Variants in SASS6 observed in about 807,000 individuals in gnomAD.
SASS6 encodes SAS-6 centriolar assembly protein, also known as spindle assembly abnormal protein 6 homolog.
In SASS6, 59 loss-of-function variants were observed where a neutral mutation model predicts 94.9. The ratio of observed to expected loss-of-function variants is 0.62; its 90% CI spans 0.50 to 0.77. The LOEUF (loss-of-function observed/expected upper bound fraction) is 0.77. Among genes scored for constraint, SASS6 ranks in the 30% least tolerant of loss-of-function variants. The pLI is 0.00. For missense variants in SASS6, 698 were observed against 734.1 expected (o/e 0.95, Z 0.57); for synonymous variants, 264 against 270.0 (o/e 0.98, Z 0.22).
chr1:100,089,305 G>A (rs149193510), intron 14 of SASS6, among the ~76,000 whole-genome samples: 11 of 151,942 alleles, frequency 7.2e-5, no homozygotes, highest in African/African-American at 2.4e-4. Flanking sequence ...TACCAAGGAG[G>A]AACACCAAAA....
At chr1:100,128,899 T>C (rs926991185) in intron 1 of SASS6, among the ~76,000 whole-genome samples, 5 of 152,088 alleles carry the variant, frequency 3.3e-5, no homozygotes, top group Non-Finnish European at 7.4e-5. Flanking sequence ...AAAAGGTACT[T>C]TAAGCCAGGT....
At chr1:100,130,352 G>A (rs1654908495) in intron 1 of SASS6, among the ~76,000 whole-genome samples, 1 of 152,302 alleles carries the variant, frequency 6.6e-6, no homozygotes. Flanking sequence ...ACATTTGCCA[G>A]TATTTGTTGA....
At chr1:100,103,341 G>C (rs1652646473) in intron 13 of SASS6, among the ~76,000 whole-genome samples, 1 of 152,088 alleles carries the variant, frequency 6.6e-6, no homozygotes, top group Non-Finnish European at 1.5e-5. Context: ...TTTGTACTAA[G>C]TTAAAGCCAA....
At chr1:100,103,441 T>C (rs879758134) in intron 13 of SASS6, among the ~76,000 whole-genome samples, 5 of 152,124 alleles carry the variant, frequency 3.3e-5, no homozygotes, top group Non-Finnish European at 7.4e-5. Context: ...AGAGATAAAA[T>C]AAAACTAATT....
intron 1 of SASS6, among the ~76,000 whole-genome samples, chr1:100,127,506 C>T (rs1231958897): frequency 6.6e-6 from 1 of 152,094 alleles, no homozygotes; most frequent in Non-Finnish European, 1.5e-5. Context: ...GCTAAATCTC[C>T]GTTTGTACAA....
At position 100,084,273 on chromosome 1, in the gene SASS6, A is replaced by G. The variant is rs1651065914; in HGVS notation, c.*1055T>C. On this transcript the variant is annotated 3_prime_UTR_variant, in exon 17 of 17. Coordinates refer to ENST00000287482, the MANE Select transcript of SASS6 (RefSeq NM_194292.3). Reference sequence around the variant, plus strand: ...GAAAATAATTTTAAATTATCACATGAGCATTAGTACTTTATAAAAATTGAT... The same window carrying G: ...GAAAATAATTTTAAATTATCACATGGGCATTAGTACTTTATAAAAATTGAT... 6.6e-6 allele frequency: 1 copy of G among 152,070 alleles called. No homozygotes were observed. Among genetic ancestry groups the G allele is most frequent in the African/African-American group, 2.4e-5 (1 of 41,440 alleles). 9.4% of individuals were successfully genotyped at this position (152,070 alleles called of 1,614,324 possible).
intron 7 of SASS6, among the ~76,000 whole-genome samples, chr1:100,117,291 CAA>C (rs60675693): frequency 3.1e-4 from 29 of 94,600 alleles, no homozygotes; most frequent in Admixed American, 4.6e-4. Context: ...AATTCTGTCT[CAA>C]AAAAAAAAAA....
chr1:100,124,391 T>C (rs1424639432), intron 2 of SASS6, among the ~76,000 whole-genome samples: 2 of 152,210 alleles, frequency 1.3e-5, no homozygotes, highest in Non-Finnish European at 2.9e-5. Flanking sequence ...TATATTTCAG[T>C]GTTTTTTGAC....
intron 1 of SASS6, among the ~76,000 whole-genome samples, chr1:100,126,383 T>A (rs1291416627): frequency 6.6e-6 from 1 of 152,190 alleles, no homozygotes; most frequent in East Asian, 1.9e-4. Flanking sequence ...TAAAATAACA[T>A]CTAGAAAGAC....
intron 8 of SASS6, 51 bp from the exon 9 acceptor site, chr1:100,108,055 T>C: frequency 9.2e-7 from 1 of 1,082,588 alleles, no homozygotes; most frequent in Non-Finnish European, 1.3e-6. Context: ...GGAAGCTGCC[T>C]CATCTGGTTA....
chr1:100,086,474 A>G (rs1651274194), intron 15 of SASS6, among the ~76,000 whole-genome samples: 1 of 149,966 alleles, frequency 6.7e-6, no homozygotes, highest in South Asian at 2.1e-4. Context: ...CGATTGTCAT[A>G]TTTTCTGCTA....
intron 14 of SASS6, among the ~76,000 whole-genome samples, chr1:100,098,174 AAC>A (rs1309695532): frequency 6.6e-6 from 1 of 152,214 alleles, no homozygotes; most frequent in Non-Finnish European, 1.5e-5. Context: ...ATTACAAAAT[AAC>A]ACATTAAAAA....
At position 100,121,442 on chromosome 1, in the gene SASS6, T is replaced by C; in HGVS notation, c.419A>G (p.Lys140Arg). The change falls in exon 5 of 17, where the codon AAA (lysine) becomes AGA (arginine). Residue 140 changes from lysine to arginine, a missense_variant. Lys to Arg is a conservative substitution (Grantham distance 26). Transcript: ENST00000287482. ...CTCCACATCATTTCCAGGTAAAAGTTTTAGTGAGAGGTGTGTAAGATGCTT... is the reference window on the plus strand; with the variant it reads ...CTCCACATCATTTCCAGGTAAAAGTCTTAGTGAGAGGTGTGTAAGATGCTT... ...PFKHLTHLSL[K>R]LLPGNDVEIK... 1 of 1,602,968 alleles carries C rather than the reference T, an allele frequency of 6.2e-7. No homozygotes were observed. The highest frequency in any genetic ancestry group is 8.5e-7 in the Non-Finnish European group (1 of 1,175,002).
At chr1:100,086,023 A>G (rs1163499382) in intron 15 of SASS6, among the ~76,000 whole-genome samples, 1 of 151,736 alleles carries the variant, frequency 6.6e-6, no homozygotes, top group Non-Finnish European at 1.5e-5. Context: ...GCTCTTCGAA[A>G]TTTTCTAGTG....
intron 12 of SASS6, among the ~76,000 whole-genome samples, chr1:100,106,585 C>A (rs1365590628): frequency 6.6e-6 from 1 of 152,096 alleles, no homozygotes; most frequent in Non-Finnish European, 1.5e-5. Context: ...ATGGCTAACA[C>A]CTGTAAACCT....
intron 14 of SASS6, among the ~76,000 whole-genome samples, chr1:100,100,200 A>C (rs908934690): frequency 2.0e-5 from 3 of 152,194 alleles, no homozygotes; most frequent in Admixed American, 6.5e-5. Context: ...TGGGAGGTGG[A>C]GGTTGCAGTG....
At chr1:100,120,137 A>G (rs568600806) in intron 6 of SASS6, among the ~76,000 whole-genome samples, 1 of 152,364 alleles carries the variant, frequency 6.6e-6, no homozygotes, top group South Asian at 2.1e-4. Context: ...AGAAACATAC[A>G]TATCTTATTT....
At position 100,107,701 on chromosome 1, in the gene SASS6, T is replaced by C; in HGVS notation, c.1073A>G (p.Asn358Ser). 1 of 1,602,408 alleles carries C rather than the reference T, an allele frequency of 6.2e-7. No homozygotes were observed. The highest frequency in any genetic ancestry group is 8.5e-7 in the Non-Finnish European group (1 of 1,172,326). ...IQEQKVVLEENGEKNQVQLGK... is the reference protein window; with the variant it reads ...IQEQKVVLEESGEKNQVQLGK... ...TAGTTGTACTTGATTTTTCTCACCA[T>C]TTTCTTCTAAAACCACCTGATATAT... The change falls in exon 10 of 17, where the codon AAT becomes AGT. Residue 358 changes from asparagine to serine, a missense_variant. Asn to Ser is a conservative substitution (Grantham distance 46). Coordinates refer to ENST00000287482, the MANE Select transcript of SASS6 (RefSeq NM_194292.3).
In SASS6 at chr1:100,132,868, G is replaced by T; in HGVS notation, c.-54C>A. ...GAAAAGCCCAACAGGCCCGGCCCTC[G>T]GGATTAGCCTGAGAGGTCCGGGTCC... On this transcript the variant is annotated 5_prime_UTR_variant, in exon 1 of 17. Coordinates refer to ENST00000287482, the MANE Select transcript of SASS6 (RefSeq NM_194292.3). 6.6e-7 allele frequency: 1 copy of T among 1,517,566 alleles called. No homozygotes were observed. Among genetic ancestry groups the T allele is most frequent in the Non-Finnish European group, 9.2e-7 (1 of 1,092,870 alleles). The allele number at this position is 1,517,566 out of a possible 1,614,324, so 94.0% of individuals were successfully genotyped here.
Sources: allele counts gnomAD v4.1 joint callset (sites outside exome capture counted in the v4.1 genomes callset), GRCh38; gene constraint gnomAD v4.1.1; transcripts MANE v1.5; gene names NCBI Gene and HGNC (gene_info 2026-07-23, HGNC 2026-07-21).